FAM184A: variants seen among roughly 807,000 people sequenced by gnomAD.
FAM184A encodes family with sequence similarity 184 member A, also known as protein FAM184A.
Under a neutral mutation model 143.8 loss-of-function variants are expected in FAM184A, and 99 were observed. That is an observed-to-expected ratio of 0.69 (90% CI 0.58 to 0.81). The LOEUF (loss-of-function observed/expected upper bound fraction) is 0.81. FAM184A is among the 40% of genes least tolerant of loss of function. FAM184A has a pLI of 0.00. For synonymous variants in FAM184A, 427 were observed against 446.4 expected, an observed-to-expected ratio of 0.96 and a Z score of 0.55; for missense variants, 1,217 against 1,310.5, an observed-to-expected ratio of 0.93 and a Z score of 1.10.
Position 118,985,870 on chromosome 6 carries a change from CTTA to C in FAM184A, c.2089-5523_2089-5521del, listed in dbSNP as rs548485605. Among the ~76,000 whole-genome samples, 73 of 152,286 alleles carry C rather than the reference CTTA, an allele frequency of 4.8e-4. No individual in the cohort carries two copies. In the South Asian group the frequency reaches 0.013, roughly 28 times the overall value. On this transcript the variant is annotated intron_variant, in intron 9 of 17. Coordinates refer to ENST00000338891, the MANE Select transcript of FAM184A (RefSeq NM_024581.6). ...GCTTAGTAGAGGACAGTAGGAATAA[CTTA>C]TTATTATGCCAATGACTTAACGAAA...
chr6:119,049,290 A>G (rs982090520), intron 1 of FAM184A, among the ~76,000 whole-genome samples: 3 of 152,154 alleles, frequency 2.0e-5, no homozygotes, highest in Non-Finnish European at 2.9e-5. Context: ...TCTACTAAAA[A>G]TACAAAAATT....
chr6:118,986,608 T>G (rs114244564), intron 9 of FAM184A, among the ~76,000 whole-genome samples: 2,855 of 152,290 alleles, frequency 0.019, 100 homozygotes, highest in African/African-American at 0.066. Flanking sequence ...CCCCTTTTAC[T>G]TTTTTTGTAG....
intron 1 of FAM184A, among the ~76,000 whole-genome samples, chr6:119,088,979 T>C (rs1020316793): frequency 6.6e-6 from 1 of 152,126 alleles, no homozygotes; most frequent in African/African-American, 2.4e-5. Flanking sequence ...ATTTGTAAAA[T>C]GAGGAGATTG....
chr6:118,988,133 G>T (rs1784252996), intron 9 of FAM184A, among the ~76,000 whole-genome samples: 1 of 152,048 alleles, frequency 6.6e-6, no homozygotes, highest in Non-Finnish European at 1.5e-5. Context: ...ATGAAGAAAA[G>T]ATTACAGGAA....
At chr6:119,046,950 C>T (rs1786558223) in intron 1 of FAM184A, among the ~76,000 whole-genome samples, 1 of 152,082 alleles carries the variant, frequency 6.6e-6, no homozygotes, top group African/African-American at 2.4e-5. Context: ...AGACAACCCA[C>T]AGAGTAGAAA....
chr6:119,074,977 T>C (rs1285913471), intron 1 of FAM184A, among the ~76,000 whole-genome samples: 1 of 152,250 alleles, frequency 6.6e-6, no homozygotes, highest in African/African-American at 2.4e-5. Flanking sequence ...GCAGCTATGT[T>C]AGGCTCTTAG....
At chr6:119,102,878 C>T (rs983465876) in intron 1 of FAM184A, among the ~76,000 whole-genome samples, 3 of 149,744 alleles carry the variant, frequency 2.0e-5, no homozygotes, top group Non-Finnish European at 4.4e-5. Flanking sequence ...TAAAGTAGGA[C>T]AGACCTGCCA....
At chr6:118,973,362 C>G (rs765757121) in intron 14 of FAM184A, among the ~76,000 whole-genome samples, 11 of 152,100 alleles carry the variant, frequency 7.2e-5, no homozygotes, top group Non-Finnish European at 1.3e-4. Context: ...GAGGACAATA[C>G]TTAAAACGGC....
At position 119,091,488 on chromosome 6, in the gene FAM184A, G is replaced by T. The variant is rs149956484; in HGVS notation, c.-202+57590C>A. Among the ~76,000 whole-genome samples, 348 of 152,330 alleles carry T rather than the reference G, an allele frequency of 2.3e-3. 2 individuals carry two copies. The highest frequency in any genetic ancestry group is 9.5e-3 in the South Asian group (46 of 4,828). On this transcript the variant is annotated intron_variant, in intron 1 of 16. Transcript: ENST00000352896. ...ATCAGTTCAGCAACTTGTGGATACT[G>T]TGGTATATGGTAGGAACAGTGGATC...
At chr6:119,026,159 T>C (rs1785628021) in intron 1 of FAM184A, among the ~76,000 whole-genome samples, 1 of 152,192 alleles carries the variant, frequency 6.6e-6, no homozygotes, top group South Asian at 2.1e-4. Context: ...GGTAAAAAGA[T>C]TGAGAGATGG....
chr6:119,054,870 T>TG (rs1338625629), intron 1 of FAM184A, among the ~76,000 whole-genome samples: 2 of 151,690 alleles, frequency 1.3e-5, no homozygotes, highest in Non-Finnish European at 2.9e-5. Flanking sequence ...GTGACAATTT[T>TG]TTTTTAATAA....
chr6:119,129,072 T>C (rs1789456504), intron 1 of FAM184A, among the ~76,000 whole-genome samples: 1 of 152,162 alleles, frequency 6.6e-6, no homozygotes, highest in Admixed American at 6.5e-5. Flanking sequence ...TTTCAACCAA[T>C]TGCCAATCAG....
intron 1 of FAM184A, among the ~76,000 whole-genome samples, chr6:119,050,452 GT>G (rs34923179): frequency 0.85 from 126,825 of 149,952 alleles, 53,775 homozygotes; most frequent in East Asian, 0.96. Context: ...GACAGATTGG[GT>G]TTTTTTTTTA....
rs369368602 is a variant in FAM184A, at chr6:119,002,958, G to A, written c.2029C>T (p.Arg677Ter). Residue 677 changes from arginine to a stop codon, truncating the protein, a stop_gained, in exon 9 of 18, where the codon CGA (arginine) becomes TGA (stop). Transcript: ENST00000338891. LOFTEE classifies it high-confidence loss of function. ...GAATCTCTTGCTGCATTTTTCTCTC[G>A]ATCTTTCAACTGCAAAAGTTGAGAC... is the stretch of plus-strand genomic sequence containing the variant. ...AMSQLLQLKD[R>*]EKNAARDSWQ... 4 of 1,612,078 alleles carry A rather than the reference G, an allele frequency of 2.5e-6. No individual in the cohort carries two copies. The highest frequency in any genetic ancestry group is 1.7e-5 in the Admixed American group (1 of 59,700).
At chr6:119,021,805 G>A (rs78554334) in intron 3 of FAM184A, among the ~76,000 whole-genome samples, 2,624 of 151,994 alleles carry the variant, frequency 0.017, 32 homozygotes, top group South Asian at 0.03. Context: ...GCAAGACCCC[G>A]TCTTTACAAA....
In FAM184A at chr6:119,016,924, T is replaced by C; in HGVS notation, c.1353A>G (p.Arg451=). 1.2e-6 allele frequency: 2 copies of C among 1,605,594 alleles called. No homozygotes were observed. The highest frequency in any genetic ancestry group is 1.7e-6 in the Non-Finnish European group (2 of 1,177,286). The change falls in exon 5 of 18, where the codon AGA becomes AGG. Residue 451 remains arginine (R), a synonymous_variant. Coordinates refer to ENST00000338891, the MANE Select transcript of FAM184A (RefSeq NM_024581.6). ...CCCTTTCATAATATTCTTGCTGAGT[T>C]CTCTTTGCTTCATTTACTTTCTAAA... ...ELEKKVNEAK[R]TQQEYYEREL...
At chr6:119,035,426 T>C in intron 1 of FAM184A, among the ~76,000 whole-genome samples, 1 of 152,148 alleles carries the variant, frequency 6.6e-6, no homozygotes, top group Non-Finnish European at 1.5e-5. Flanking sequence ...TCCAGCCAGG[T>C]TTACAGGACG....
At chr6:119,048,570 T>C (rs1344681956) in intron 1 of FAM184A, among the ~76,000 whole-genome samples, 1 of 152,150 alleles carries the variant, frequency 6.6e-6, no homozygotes, top group Non-Finnish European at 1.5e-5. Flanking sequence ...ATCACTAGCA[T>C]TCCTATACAC....
At chr6:119,040,584 G>A (rs985635962) in intron 1 of FAM184A, among the ~76,000 whole-genome samples, 1 of 152,150 alleles carries the variant, frequency 6.6e-6, no homozygotes, top group Admixed American at 6.5e-5. Flanking sequence ...TGCACAAATG[G>A]TGGGGCTAAA....
Sources: gnomAD v4.1 joint callset for allele counts (sites outside exome capture counted in the v4.1 genomes callset) on GRCh38, gnomAD v4.1.1 for gene constraint, MANE v1.5 for transcripts, NCBI Gene and HGNC (gene_info 2026-07-23, HGNC 2026-07-21) for gene names.